The following MACC1 variants were observed in gnomAD, a reference collection of about 807,000 sequenced individuals.
MACC1 encodes metastasis-associated in colon cancer protein 1.
In MACC1, 79 loss-of-function variants were observed where a neutral mutation model predicts 70.7. That is an observed-to-expected ratio of 1.12 (90% confidence interval 0.93 to 1.35). The LOEUF is 1.35. MACC1 is among the 40% of genes most tolerant of loss of function. The pLI, the probability that MACC1 is intolerant of heterozygous loss-of-function variation, is 0.00. For synonymous variants in MACC1, 361 were observed against 347.2 expected (o/e 1.04, Z -0.44); for missense variants, 1,106 against 978.1 (o/e 1.13, Z -1.74).
intron 3 of MACC1, among the ~76,000 whole-genome samples, chr7:20,162,403 G>A (rs1415913372): frequency 1.3e-5 from 2 of 152,076 alleles, no homozygotes; most frequent in Non-Finnish European, 2.9e-5. Context: ...TTTGAAGCAT[G>A]TTGTTTAACA....
At chr7:20,180,849 A>G (rs1782492740) in intron 1 of MACC1, among the ~76,000 whole-genome samples, 1 of 152,178 alleles carries the variant, frequency 6.6e-6, no homozygotes, top group Non-Finnish European at 1.5e-5. Flanking sequence ...TGCATCTCAA[A>G]TAACAATAAT....
intron 1 of MACC1, among the ~76,000 whole-genome samples, chr7:20,171,125 T>C (rs190924701): frequency 1.3e-5 from 2 of 152,308 alleles, no homozygotes; most frequent in East Asian, 3.8e-4. Flanking sequence ...TTCAGAAATA[T>C]AGACAACTGA....
In MACC1 at chr7:20,137,678, C is replaced by T. The variant is rs558112060; in HGVS notation, c.*3268G>A. The T allele has an allele frequency of 2.0e-5, 3 of 152,092 alleles. No homozygotes were observed. Among genetic ancestry groups the T allele is most frequent in the South Asian group, 4.2e-4 (2 of 4,812 alleles). 9.4% of individuals were successfully genotyped at this position (152,092 alleles called of 1,614,324 possible). A position where few individuals can be genotyped will look rare whatever the true frequency, so the allele number is the denominator to read the frequency against. ...GATGTCAAAGATGGTATATAAGTGC[C>T]TTATTATTTCATTGACTTACTGCCA... On this transcript the variant is annotated 3_prime_UTR_variant, in exon 7 of 7. Transcript: ENST00000400331.
Position 20,158,744 on chromosome 7 carries a change from T to C in MACC1, c.1617A>G (p.Lys539=). ...SAPLSPKILV[K]YPTFQDKTLN... is the part of the protein sequence containing the mutation. ...ATGTTTTATCTTGAAATGTAGGATA[T>C]TTAACAAGAATTTTTGGTGATAAAG... The change falls in exon 5 of 7, where the codon AAA becomes AAG. Residue 539 remains lysine (K), a synonymous_variant. Transcript: ENST00000400331. 1 of 1,614,038 alleles carries C rather than the reference T, an allele frequency of 6.2e-7. No individual in the cohort carries two copies. The highest frequency in any genetic ancestry group is 8.5e-7 in the Non-Finnish European group (1 of 1,180,016).
In MACC1 at chr7:20,136,570, A is replaced by G. The variant is rs1781720161; in HGVS notation, c.*4376T>C. 6.6e-6 allele frequency: 1 copy of G among 152,180 alleles called. No individual in the cohort carries two copies. The highest frequency in any genetic ancestry group is 1.5e-5 in the Non-Finnish European group (1 of 68,018). 9.4% of individuals were successfully genotyped at this position (152,180 alleles called of 1,614,324 possible). ...GTATGTGTACAAATTCAACTTTCCTATGTATATGTGGTCACTTTATTTTGT... is the reference window on the plus strand; with the variant it reads ...GTATGTGTACAAATTCAACTTTCCTGTGTATATGTGGTCACTTTATTTTGT... On this transcript the variant is annotated 3_prime_UTR_variant, in exon 7 of 7. Coordinates refer to ENST00000400331, the MANE Select transcript of MACC1 (RefSeq NM_182762.4).
chr7:20,207,204 A>G (rs901736153), intron 1 of MACC1, among the ~76,000 whole-genome samples: 10 of 151,704 alleles, frequency 6.6e-5, no homozygotes, highest in African/African-American at 2.4e-4. Flanking sequence ...GCAGTGGCGC[A>G]GTCTCGGCTC....
chr7:20,215,744 T>A (rs530437692), intron 1 of MACC1, among the ~76,000 whole-genome samples: 1 of 152,164 alleles, frequency 6.6e-6, no homozygotes, highest in South Asian at 2.1e-4. Flanking sequence ...AGTTCAAAAT[T>A]AGTATAATTC....
chr7:20,182,674 T>C (rs1341663760), intron 1 of MACC1, among the ~76,000 whole-genome samples: 1 of 152,168 alleles, frequency 6.6e-6, no homozygotes, highest in African/African-American at 2.4e-5. Context: ...TCCAAGACCA[T>C]GCTTCTGTTT....
chr7:20,209,014 A>G (rs1356333243), intron 1 of MACC1, among the ~76,000 whole-genome samples: 1 of 152,230 alleles, frequency 6.6e-6, no homozygotes, highest in Non-Finnish European at 1.5e-5. Context: ...GCAGGTGGGC[A>G]GAGGTCAAGA....
At position 20,160,316 on chromosome 7, in the gene MACC1, T is replaced by TTAGAGTAAGGTGGCACTGTGAG; in HGVS notation, c.116-72_116-71insCTCACAGTGCCACCTTACTCTA. 3.4e-6 allele frequency: 5 copies of TTAGAGTAAGGTGGCACTGTGAG among 1,459,088 alleles called. No individual in the cohort carries two copies. In the East Asian group the frequency reaches 1.2e-4, roughly 35 times the overall value. The allele number at this position is 1,459,088 out of a possible 1,614,324, so 90.4% of individuals were successfully genotyped here. A position where few individuals can be genotyped will look rare whatever the true frequency, so the allele number is the denominator to read the frequency against. On this transcript the variant is annotated intron_variant, in intron 4 of 6. Transcript: ENST00000400331. The stretch of plus-strand genomic sequence containing the variant: ...CTGTGAGTTACAATCAAGATTAATT[T>TTAGAGTAAGGTGGCACTGTGAG]TTCCCATAGCTTAAAAATTCAGGAC...
intron 1 of MACC1, among the ~76,000 whole-genome samples, chr7:20,200,288 T>C (rs1583409893): frequency 6.6e-6 from 1 of 152,054 alleles, no homozygotes; most frequent in East Asian, 1.9e-4. Context: ...ACTAGATTAC[T>C]AGAAATGGAC....
At chr7:20,152,141 G>A (rs548289095) in intron 6 of MACC1, among the ~76,000 whole-genome samples, 2 of 152,262 alleles carry the variant, frequency 1.3e-5, no homozygotes, top group African/African-American at 2.4e-5. Flanking sequence ...AAAGGGAAGA[G>A]AAAGAAGTTA....
chr7:20,151,953 T>C (rs1781985601), intron 6 of MACC1, among the ~76,000 whole-genome samples: 1 of 152,228 alleles, frequency 6.6e-6, no homozygotes, highest in Non-Finnish European at 1.5e-5. Flanking sequence ...TCCAGGACTT[T>C]CCAGCTGTGT....
intron 1 of MACC1, among the ~76,000 whole-genome samples, chr7:20,176,283 T>G (rs1471123513): frequency 6.6e-6 from 1 of 152,020 alleles, no homozygotes; most frequent in African/African-American, 2.4e-5. Flanking sequence ...CAATTATACC[T>G]CAATAAAACT....
chr7:20,192,624 A>G (rs1651360141), intron 1 of MACC1, among the ~76,000 whole-genome samples: 1 of 152,216 alleles, frequency 6.6e-6, no homozygotes, highest in Non-Finnish European at 1.5e-5. Flanking sequence ...ATCCCTAACT[A>G]GATCTCTCAG....
At chr7:20,182,775 C>T (rs929679652) in intron 1 of MACC1, among the ~76,000 whole-genome samples, 4 of 152,026 alleles carry the variant, frequency 2.6e-5, no homozygotes, top group African/African-American at 4.8e-5. Flanking sequence ...ACATGGGAGT[C>T]ACTTTTCATA....
chr7:20,215,496 C>T (rs1783056130), intron 1 of MACC1, among the ~76,000 whole-genome samples: 1 of 152,204 alleles, frequency 6.6e-6, no homozygotes, highest in Non-Finnish European at 1.5e-5. Flanking sequence ...TTTCCTCCAC[C>T]TTTGGAGAAT....
chr7:20,140,075 A>T lies in MACC1; in HGVS notation c.*871T>A, dbSNP rs1278408561. ...TAGGCAGGATTAGAGAGGTCCCAAG[A>T]TGCTGAAGGGAGCTGATGAAAACAC... On this transcript the variant is annotated 3_prime_UTR_variant, in exon 7 of 7. Transcript: ENST00000400331. The T allele has an allele frequency of 6.6e-6, 1 of 152,164 alleles. No homozygotes were observed. The highest frequency in any genetic ancestry group is 1.9e-4 in the East Asian group (1 of 5,192). 9.4% of individuals were successfully genotyped at this position (152,164 alleles called of 1,614,324 possible). A position where few individuals can be genotyped will look rare whatever the true frequency, so the allele number is the denominator to read the frequency against.
At chr7:20,170,573 T>C (rs1782288696) in intron 2 of MACC1, 141 bp downstream of exon 2, 1 of 152,234 alleles carries the variant, frequency 6.6e-6, no homozygotes, top group African/African-American at 2.4e-5. Flanking sequence ...CGTTTAAAAT[T>C]AGATTTGTGT....
Sources: gnomAD v4.1 joint callset for allele counts (sites outside exome capture counted in the v4.1 genomes callset) on GRCh38, gnomAD v4.1.1 for gene constraint, MANE v1.5 for transcripts, NCBI Gene and HGNC (gene_info 2026-07-23, HGNC 2026-07-21) for gene names.